Variants in ZNF577 observed in about 807,000 individuals in gnomAD.
ZNF577 encodes the protein zinc finger protein 577.
ZNF577 carries 14 observed loss-of-function variants against 13.9 expected under a neutral mutation model. The observed-to-expected ratio is 1.00, with a 90% CI of 0.66 to 1.57. The LOEUF (loss-of-function observed/expected upper bound fraction) is 1.57. ZNF577 is among the 40% of genes most tolerant of loss of function. The pLI is 0.00. For synonymous variants in ZNF577, 203 were observed against 202.9 expected (o/e 1.00, Z 0.00); for missense variants, 555 against 579.2 (o/e 0.96, Z 0.43).
intron 8 of ZNF577, chr19:51,840,169 T>C (rs7252805): frequency 0.46 from 69,792 of 151,998 alleles, 16,402 homozygotes; most frequent in South Asian, 0.58. Flanking sequence ...TTTTCACCAC[T>C]TCCCCAGCTG....
chr19:51,848,242 A>C (rs909675310), intron 5 of ZNF577, among the ~76,000 whole-genome samples: 4 of 152,302 alleles, frequency 2.6e-5, no homozygotes, highest in African/African-American at 9.6e-5. Context: ...GAACACACCG[A>C]AACAGAAAAT....
At chr19:51,846,325 T>C (rs2084350981) in intron 5 of ZNF577, among the ~76,000 whole-genome samples, 2 of 152,216 alleles carry the variant, frequency 1.3e-5, no homozygotes, top group Admixed American at 6.5e-5. Flanking sequence ...TATCTATTAA[T>C]ACGTATTTGC....
chr19:51,824,530 G>C lies in ZNF577; in HGVS notation c.*600-12856C>G, dbSNP rs745783571. On this transcript the variant is annotated intron_variant and NMD_transcript_variant, in intron 9 of 10. Coordinates refer to the ZNF577 transcript ENST00000638827. The surrounding 1 kb of genome is among the most constrained non-coding windows in gnomAD (Gnocchi z 4.7). ...TGTTGGTTCCCTTATGAACTAATTG[G>C]CATTCTAATGGCAGTCTGGCTCAAA... 1 of 1,614,072 alleles carries C rather than the reference G, an allele frequency of 6.2e-7. No homozygotes were observed. The highest frequency in any genetic ancestry group is 1.1e-5 in the South Asian group (1 of 91,072).
chr19:51,854,396 A>G (rs2084397386), intron 5 of ZNF577, among the ~76,000 whole-genome samples: 1 of 151,398 alleles, frequency 6.6e-6, no homozygotes, highest in South Asian at 2.1e-4. Flanking sequence ...TGCCACGATC[A>G]TGGCTCACTG....
Position 51,872,912 on chromosome 19 carries a change from C to CA in ZNF577, c.1077dup (p.Gly360TrpfsTer12), listed in dbSNP as rs1237017594. ...ACTGACATGTGGGCAAAGGCTTTGC[C>CA]ACATTCTCTGCATGAATATGGTCTC... On this transcript the variant is annotated frameshift_variant, in exon 6 of 6. Transcript: ENST00000638348. LOFTEE classifies it low-confidence loss of function (END_TRUNC). 1 of 1,614,152 alleles carries CA rather than the reference C, an allele frequency of 6.2e-7. No individual in the cohort carries two copies. Among genetic ancestry groups the CA allele is most frequent in the South Asian group, 1.1e-5 (1 of 91,080 alleles).
At chr19:51,877,441 G>C in intron 4 of ZNF577, 64 bp from the exon 5 acceptor site, 1 of 1,353,636 alleles carries the variant, frequency 7.4e-7, no homozygotes, top group Non-Finnish European at 1.1e-6. Context: ...AGATGGAGAG[G>C]GTTATGTCTC....
At chr19:51,819,108 T>TTAATAA (rs1382646199) in intron 9 of ZNF577, among the ~76,000 whole-genome samples, 63 of 152,302 alleles carry the variant, frequency 4.1e-4, no homozygotes, top group African/African-American at 1.4e-3. Flanking sequence ...AAAGGTGAGT[T>TTAATAA]CTACATTTAG....
chr19:51,810,344 G>A (rs761456948), intron 10 of ZNF577, among the ~76,000 whole-genome samples: 3 of 152,178 alleles, frequency 2.0e-5, no homozygotes, highest in Non-Finnish European at 4.4e-5. Flanking sequence ...TAGCATTTCT[G>A]CAGCCGTGGT....
chr19:51,860,660 C>T (rs1020573863), intron 5 of ZNF577: 1 of 174,536 alleles, frequency 5.7e-6, no homozygotes, highest in Non-Finnish European at 1.2e-5. Context: ...TTCCACATTC[C>T]GTTTCAGAAG....
In ZNF577 at chr19:51,886,430, T is replaced by C. The variant is rs144143395; in HGVS notation, c.-219+391A>G. The C allele has an allele frequency of 2.3e-3, 355 of 152,300 alleles. 1 individual carries two copies. Among genetic ancestry groups the C allele is most frequent in the African/African-American group, 7.7e-3 (322 of 41,556 alleles). The allele number at this position is 152,300 out of a possible 1,614,324, so 9.4% of individuals were successfully genotyped here. A position where few individuals can be genotyped will look rare whatever the true frequency, so the allele number is the denominator to read the frequency against. Reference sequence around the variant, plus strand: ...ATTATTCCGAAGCTAATCCAAGATATCTTTTCATTTTTTGATGCAAAAATA... The same window carrying C: ...ATTATTCCGAAGCTAATCCAAGATACCTTTTCATTTTTTGATGCAAAAATA... On this transcript the variant is annotated intron_variant, in intron 1 of 5. Coordinates refer to ENST00000638348, the MANE Select transcript of ZNF577 (RefSeq NM_001370449.1).
intron 5 of ZNF577, chr19:51,861,076 CTTT>C: frequency 2.8e-6 from 1 of 357,000 alleles, no homozygotes; most frequent in Non-Finnish European, 5.2e-6. Flanking sequence ...TTCTAATAAA[CTTT>C]TTTGACAATC....
At chr19:51,851,113 T>A (rs559705057) in intron 5 of ZNF577, among the ~76,000 whole-genome samples, 180 of 152,306 alleles carry the variant, frequency 1.2e-3, no homozygotes, top group African/African-American at 4.2e-3. Context: ...AATGGCATAA[T>A]TACAATCTTT....
chr19:51,885,646 G>C (rs532543070), intron 1 of ZNF577, among the ~76,000 whole-genome samples: 2 of 152,096 alleles, frequency 1.3e-5, no homozygotes, highest in South Asian at 4.2e-4. Flanking sequence ...TGAGTAGCTG[G>C]GATTACAGAC....
intron 9 of ZNF577, among the ~76,000 whole-genome samples, chr19:51,812,691 C>G (rs986542524): frequency 6.6e-6 from 1 of 152,184 alleles, no homozygotes; most frequent in African/African-American, 2.4e-5. Flanking sequence ...TCTCCATAAG[C>G]ACAGGTGCAG....
intron 5 of ZNF577, among the ~76,000 whole-genome samples, chr19:51,851,548 T>G (rs2084378660): frequency 6.6e-6 from 1 of 152,170 alleles, no homozygotes; most frequent in Non-Finnish European, 1.5e-5. Flanking sequence ...TCCTAACTAC[T>G]AAGCTCATCA....
intron 9 of ZNF577, chr19:51,823,875 G>A: frequency 5.6e-6 from 9 of 1,614,052 alleles, no homozygotes; most frequent in Non-Finnish European, 7.6e-6. Context: ...CGGGGTCCTG[G>A]GCAATGGGCT....
chr19:51,865,919 A>G (rs112431645), downstream of ZNF577, among the ~76,000 whole-genome samples: 28 of 152,108 alleles, frequency 1.8e-4, no homozygotes, highest in African/African-American at 6.8e-4. Flanking sequence ...GATTGGGACC[A>G]TCCTGACCAA....
At position 51,872,651 on chromosome 19, in the gene ZNF577, T is replaced by G; in HGVS notation, c.1339A>C (p.Asn447His). The G allele has an allele frequency of 1.2e-6, 2 of 1,614,208 alleles. No homozygotes were observed. Among genetic ancestry groups the G allele is most frequent in the Non-Finnish European group, 8.5e-7 (1 of 1,180,032 alleles). The change falls in exon 6 of 6, where the codon AAT becomes CAT. Residue 447 changes from asparagine (N) to histidine (H), a missense_variant. Physicochemically the swap from Asn to His is moderately conservative, Grantham distance 68. Coordinates refer to ENST00000638348, the MANE Select transcript of ZNF577 (RefSeq NM_001370449.1). ...VVIVEQPFPR[N>H]QAFVVNQEFE... ...TCCTGATTAACTACAAAGGCTTGAT[T>G]TCTTGGAAAAGGTTGTTCCACAATC... is the stretch of plus-strand genomic sequence containing the variant.
At position 51,809,868 on chromosome 19, in the gene ZNF577, G is replaced by A. The variant is rs114389712; in HGVS notation, c.*817+1589C>T. ...TCTGGGAACCCATGCCTGGAACGGGGTTGAGGTCTGGACTGGGAATGCCCT... is the reference window on the plus strand; with the variant it reads ...TCTGGGAACCCATGCCTGGAACGGGATTGAGGTCTGGACTGGGAATGCCCT... On this transcript the variant is annotated intron_variant and NMD_transcript_variant, in intron 10 of 10. Coordinates refer to the ZNF577 transcript ENST00000638827. Among the ~76,000 whole-genome samples the A allele has an allele frequency of 4.8e-3, 737 of 152,244 alleles. 8 individuals are homozygous for A. Among genetic ancestry groups the A allele is most frequent in the African/African-American group, 0.016 (674 of 41,550 alleles).
Sources: allele counts gnomAD v4.1 joint callset (sites outside exome capture counted in the v4.1 genomes callset), GRCh38; gene constraint gnomAD v4.1.1; non-coding constraint Gnocchi (gnomAD v3.1); transcripts MANE v1.5; gene names NCBI Gene and HGNC (gene_info 2026-07-23, HGNC 2026-07-21).